MMAA: variants seen among roughly 807,000 people sequenced by gnomAD.
MMAA encodes methylmalonic aciduria type A protein, mitochondrial.
In MMAA, 41 loss-of-function variants were observed where a neutral mutation model predicts 45.0. That is an observed-to-expected ratio of 0.91 (90% CI 0.71 to 1.18). MMAA has a LOEUF of 1.18. Among genes scored for constraint, MMAA ranks in the 50% most tolerant of loss-of-function variants. The pLI, the probability that MMAA is intolerant of heterozygous loss-of-function variation, is 0.00. For synonymous variants in MMAA, 154 were observed against 178.2 expected, an observed-to-expected ratio of 0.86 and a Z score of 1.08; for missense variants, 460 against 495.7, an observed-to-expected ratio of 0.93 and a Z score of 0.68.
At chr4:145,624,905 G>T (rs1578868432) in intron 1 of MMAA, 2 of 1,558,940 alleles carry the variant, frequency 1.3e-6, no homozygotes, top group East Asian at 2.2e-5. Context: ...TGGCCCCCAA[G>T]TGGTCATGCA....
At chr4:145,642,518 G>C in intron 3 of MMAA, 33 bp downstream of exon 3, 1 of 1,613,420 alleles carries the variant, frequency 6.2e-7, no homozygotes, top group Non-Finnish European at 8.5e-7. Context: ...CAATTGCAGA[G>C]GTCTGGGGGC....
At chr4:145,636,378 C>A (rs1727608397) in intron 1 of MMAA, among the ~76,000 whole-genome samples, 1 of 152,236 alleles carries the variant, frequency 6.6e-6, no homozygotes, top group African/African-American at 2.4e-5. Flanking sequence ...TCACTCTTGA[C>A]TTCGTGTCAC....
chr4:145,642,714 G>A (rs1002497633), intron 3 of MMAA: 6 of 532,854 alleles, frequency 1.1e-5, no homozygotes, highest in African/African-American at 9.6e-5. Context: ...AGAAAACTGC[G>A]ACAACAGGTG....
chr4:145,625,733 AC>A (rs762800743), intron 1 of MMAA: 9 of 1,448,126 alleles, frequency 6.2e-6, no homozygotes, highest in Non-Finnish European at 8.7e-6. Flanking sequence ...GATGAATAAG[AC>A]AATTGAACTG....
At chr4:145,642,214 T>A (rs1399560293) in intron 2 of MMAA, 149 bp from the exon 3 acceptor site, 6 of 892,292 alleles carry the variant, frequency 6.7e-6, no homozygotes, top group Non-Finnish European at 1.0e-5. Flanking sequence ...AGATTTTTAT[T>A]TGCCATTTTA....
Position 145,655,531 on chromosome 4 carries a change from G to C in MMAA, c.*97G>C, listed in dbSNP as rs148424051. 3.9e-4 allele frequency: 449 copies of C among 1,162,628 alleles called. No individual in the cohort carries two copies. The African/African-American group carries it at 5.8e-3, about 15-fold the overall frequency. The allele number at this position is 1,162,628 out of a possible 1,614,324, so 72.0% of individuals were successfully genotyped here. A position where few individuals can be genotyped will look rare whatever the true frequency, so the allele number is the denominator to read the frequency against. ...CTTATATTTTCAGTAATTATTGTAT[G>C]GTGCTCTTGTCTTCTTTGTTTGTGA... is the stretch of plus-strand genomic sequence containing the variant. On this transcript the variant is annotated 3_prime_UTR_variant, in exon 7 of 7. Transcript: ENST00000649156.
rs550822512 is a variant in MMAA at position 145,647,765 on chromosome 4, C to T, written c.733+1609C>T. Among the ~76,000 whole-genome samples the T allele has an allele frequency of 1.7e-4, 26 of 152,310 alleles. No individual in the cohort carries two copies. In the South Asian group the frequency reaches 5.2e-3, roughly 30 times the overall value. ...TTGGATTAAGGCCCTACCCTTATGA[C>T]CTCATTTAATTGCTTCTTTCAAGGC... On this transcript the variant is annotated intron_variant, in intron 4 of 6. Coordinates refer to ENST00000649156, the MANE Select transcript of MMAA (RefSeq NM_172250.3).
At chr4:145,646,452 G>T in intron 4 of MMAA, 1 of 343,570 alleles carries the variant, frequency 2.9e-6, no homozygotes, top group South Asian at 3.3e-5. Flanking sequence ...TGATGCTTTG[G>T]CACAACACCT....
chr4:145,645,147 C>T lies in MMAA; in HGVS notation c.563-839C>T, dbSNP rs529920707. Reference sequence around the variant, plus strand: ...TGAAGATATATTTGTGTAGCATTTACGTAAGGTTGAGAAAATGTCATTTGC... The same window carrying T: ...TGAAGATATATTTGTGTAGCATTTATGTAAGGTTGAGAAAATGTCATTTGC... On this transcript the variant is annotated intron_variant, in intron 3 of 6. Coordinates refer to ENST00000649156, the MANE Select transcript of MMAA (RefSeq NM_172250.3). Among the ~76,000 whole-genome samples, 6 of 152,104 alleles carry T rather than the reference C, an allele frequency of 3.9e-5. No homozygotes were observed. The South Asian group carries it at 8.3e-4, about 21-fold the overall frequency.
At chr4:145,619,585 A>G (rs1560788477) in intron 1 of MMAA, among the ~76,000 whole-genome samples, 178 bp downstream of exon 1, 1 of 152,156 alleles carries the variant, frequency 6.6e-6, no homozygotes, top group Non-Finnish European at 1.5e-5. Context: ...CGGGGTGCGG[A>G]TATGTGTGGA....
intron 4 of MMAA, among the ~76,000 whole-genome samples, chr4:145,648,833 A>C (rs968734678): frequency 6.6e-6 from 1 of 152,118 alleles, no homozygotes; most frequent in Non-Finnish European, 1.5e-5. Context: ...GAAAAATAAA[A>C]AAATTAGCTG....
rs1728327038 is a variant in MMAA at position 145,659,412 on chromosome 4, C to T, written c.*3978C>T. The T allele has an allele frequency of 6.6e-6, 1 of 152,056 alleles. No individual in the cohort carries two copies. The highest frequency in any genetic ancestry group is 2.4e-5 in the African/African-American group (1 of 41,404). The allele number at this position is 152,056 out of a possible 1,614,324, so 9.4% of individuals were successfully genotyped here. A position where few individuals can be genotyped will look rare whatever the true frequency, so the allele number is the denominator to read the frequency against. ...TGAGTCAAAGTTCATTAATATTTAC[C>T]TGAAAATTTGTGTATAAAGGTAACC... On this transcript the variant is annotated 3_prime_UTR_variant, in exon 7 of 7. Transcript: ENST00000649156.
intron 1 of MMAA, among the ~76,000 whole-genome samples, chr4:145,623,892 G>T (rs1560789884): frequency 6.6e-6 from 1 of 152,210 alleles, no homozygotes. Context: ...TACCCACAAA[G>T]ATGCTGCATT....
intron 1 of MMAA, among the ~76,000 whole-genome samples, chr4:145,633,200 T>TTC (rs1553957397): frequency 1.4e-5 from 2 of 143,414 alleles, no homozygotes; most frequent in African/African-American, 5.3e-5. Context: ...CTTTTTCTTT[T>TTC]TTTTTTTTTT....
intron 3 of MMAA, among the ~76,000 whole-genome samples, chr4:145,645,700 G>A (rs183775122): frequency 4.6e-5 from 7 of 152,346 alleles, no homozygotes; most frequent in Admixed American, 4.6e-4. Context: ...CAGAGGATTG[G>A]TGTGGGGACT....
intron 1 of MMAA, chr4:145,625,048 G>A (rs1300939933): frequency 4.1e-5 from 37 of 903,394 alleles, no homozygotes; most frequent in South Asian, 2.2e-4. Context: ...ACTTCTCACC[G>A]GTTTCATGAC....
chr4:145,654,165 A>T (rs1294855900), intron 6 of MMAA, 22 bp downstream of exon 6: 1 of 1,613,824 alleles, frequency 6.2e-7, no homozygotes, highest in Non-Finnish European at 8.5e-7. Flanking sequence ...TGCATTCTGT[A>T]TCTTTCACTC....
chr4:145,653,897 T>A (rs1728160414), intron 5 of MMAA, 97 bp from the exon 6 acceptor site: 5 of 1,327,308 alleles, frequency 3.8e-6, no homozygotes, highest in Non-Finnish European at 5.4e-6. Flanking sequence ...AGGATATGGA[T>A]GAAAAGTTAA....
chr4:145,643,738 A>AT (rs888368614), intron 3 of MMAA, among the ~76,000 whole-genome samples: 10 of 152,272 alleles, frequency 6.6e-5, no homozygotes, highest in African/African-American at 2.4e-4. Context: ...TTAATGAAGG[A>AT]TTTTTTAGTA....
Sources: allele counts gnomAD v4.1 joint callset (sites outside exome capture counted in the v4.1 genomes callset), GRCh38; gene constraint gnomAD v4.1.1; transcripts MANE v1.5; gene names NCBI Gene and HGNC (gene_info 2026-07-23, HGNC 2026-07-21).